Variants in GAREM1 observed in about 807,000 individuals in gnomAD.
GAREM1 encodes GRB2 associated regulator of MAPK1 subtype 1, also known as GRB2-associated and regulator of MAPK protein 1.
In GAREM1, 26 loss-of-function variants were observed where a neutral mutation model predicts 71.3. The ratio of observed to expected loss-of-function variants is 0.36; its 90% CI spans 0.27 to 0.51. The LOEUF is 0.51. Among genes scored for constraint, GAREM1 ranks in the 20% least tolerant of loss-of-function variants. The pLI is 0.95. For synonymous variants in GAREM1, 440 were observed against 433.2 expected, an observed-to-expected ratio of 1.02 and a Z score of -0.20; for missense variants, 1,026 against 1,103.1, an observed-to-expected ratio of 0.93 and a Z score of 0.99.
chr18:32,441,991 G>C (rs1002160418), intron 1 of GAREM1, among the ~76,000 whole-genome samples: 2 of 147,146 alleles, frequency 1.4e-5, no homozygotes, highest in African/African-American at 2.6e-5. Context: ...GGTGCAAATT[G>C]TAATTTTTTT....
intron 3 of GAREM1, among the ~76,000 whole-genome samples, chr18:32,303,172 A>G (rs748403679): frequency 6.6e-6 from 1 of 152,234 alleles, no homozygotes; most frequent in Non-Finnish European, 1.5e-5. Flanking sequence ...AGCTGAAAGT[A>G]TGGATCTCAC....
chr18:32,353,073 G>A (rs942131436), intron 2 of GAREM1, among the ~76,000 whole-genome samples: 4 of 152,178 alleles, frequency 2.6e-5, no homozygotes, highest in Non-Finnish European at 5.9e-5. Flanking sequence ...TAAGTCAGAC[G>A]TTAACAGATA....
At chr18:32,284,507 C>T (rs970359314) in intron 4 of GAREM1, among the ~76,000 whole-genome samples, 5 of 152,176 alleles carry the variant, frequency 3.3e-5, no homozygotes, top group African/African-American at 9.7e-5. Flanking sequence ...ATGCTAGTTT[C>T]CTACCTCTAG....
At chr18:32,281,121 A>C (rs2046946990) in intron 4 of GAREM1, among the ~76,000 whole-genome samples, 1 of 152,252 alleles carries the variant, frequency 6.6e-6, no homozygotes, top group African/African-American at 2.4e-5. Context: ...TTATCCCCAC[A>C]GGAACTGACT....
rs16962940 is a variant in GAREM1 at position 32,264,403 on chromosome 18, A to C, written c.*3468T>G. ...GGCACGATGAGTAGTGACTTATACA[A>C]AGTGTTTAGAAAATGAAGGACCCTC... On this transcript the variant is annotated 3_prime_UTR_variant, in exon 6 of 6. Coordinates refer to ENST00000269209, the MANE Select transcript of GAREM1 (RefSeq NM_001242409.2). The C allele has an allele frequency of 0.11, 16,730 of 152,130 alleles. 1,136 individuals carry two copies. The highest frequency in any genetic ancestry group is 0.19 in the African/African-American group (7,930 of 41,480). 9.4% of individuals were successfully genotyped at this position (152,130 alleles called of 1,614,324 possible).
intron 1 of GAREM1, among the ~76,000 whole-genome samples, chr18:32,439,645 CTT>C (rs34313807): frequency 4.0e-4 from 59 of 146,284 alleles, no homozygotes; most frequent in Middle Eastern, 3.5e-3. Context: ...ACCAAATGAG[CTT>C]TTTTTTTTTT....
In GAREM1 at chr18:32,268,077, A is replaced by C. The variant is rs768935188; in HGVS notation, c.2425T>G (p.Ser809Ala). 4.8e-5 allele frequency: 78 copies of C among 1,614,036 alleles called. No individual in the cohort carries two copies. Among genetic ancestry groups the C allele is most frequent in the South Asian group, 4.4e-4 (40 of 91,076 alleles). ...GSPWQPPADLSGLSIEEVSKS... is the reference protein window; with the variant it reads ...GSPWQPPADLAGLSIEEVSKS... ...GACACTTCCTCTATAGAGAGTCCTGATAGGTCAGCAGGTGGCTGCCATGGG... is the reference window on the plus strand; with the variant it reads ...GACACTTCCTCTATAGAGAGTCCTGCTAGGTCAGCAGGTGGCTGCCATGGG... The change falls in exon 6 of 6, where the codon TCA becomes GCA. Residue 809 changes from serine to alanine, a missense_variant. By Grantham distance (99) the Ser-to-Ala change is moderately conservative. Around this residue, in one of 3 missense-constraint regions of GAREM1, gnomAD observed 636 missense variants for 631.2 expected, o/e 1.01. Coordinates refer to ENST00000269209, the MANE Select transcript of GAREM1 (RefSeq NM_001242409.2).
At chr18:32,379,358 C>A (rs1028042800) in intron 2 of GAREM1, among the ~76,000 whole-genome samples, 4 of 150,930 alleles carry the variant, frequency 2.7e-5, no homozygotes, top group African/African-American at 9.8e-5. Context: ...GGAGTCTCTC[C>A]TTCCTAGACT....
At chr18:32,269,608 C>T (rs967717276) in intron 5 of GAREM1, among the ~76,000 whole-genome samples, 5 of 151,878 alleles carry the variant, frequency 3.3e-5, no homozygotes, top group Non-Finnish European at 7.4e-5. Context: ...TTCTTTAGAC[C>T]TAAGAAATGA....
At chr18:32,376,670 T>G (rs1437278517) in intron 2 of GAREM1, among the ~76,000 whole-genome samples, 2 of 151,834 alleles carry the variant, frequency 1.3e-5, no homozygotes, top group Non-Finnish European at 1.5e-5. Context: ...AAACCCCATC[T>G]CTATTAAAAA....
At chr18:32,330,157 C>T (rs1300662986) in intron 2 of GAREM1, among the ~76,000 whole-genome samples, 1 of 152,008 alleles carries the variant, frequency 6.6e-6, no homozygotes, top group Non-Finnish European at 1.5e-5. Flanking sequence ...ACATATATAC[C>T]ACAGAATACT....
chr18:32,316,499 C>T (rs1031332672), intron 2 of GAREM1, among the ~76,000 whole-genome samples: 3 of 152,216 alleles, frequency 2.0e-5, no homozygotes, highest in African/African-American at 7.2e-5. Context: ...ATTGCCCAGG[C>T]TGGAGTGCAG....
intron 2 of GAREM1, among the ~76,000 whole-genome samples, chr18:32,349,472 A>G (rs1032374216): frequency 6.6e-6 from 1 of 152,258 alleles, no homozygotes; most frequent in African/African-American, 2.4e-5. Flanking sequence ...CCAAGAATCA[A>G]GAAATAATAC....
chr18:32,419,212 G>C (rs1462040142), intron 1 of GAREM1, among the ~76,000 whole-genome samples: 1 of 152,100 alleles, frequency 6.6e-6, no homozygotes, highest in Non-Finnish European at 1.5e-5. Context: ...AAATATCTCT[G>C]ACTTTCTCTT....
chr18:32,374,702 T>C (rs951734688), intron 2 of GAREM1, among the ~76,000 whole-genome samples: 1 of 152,188 alleles, frequency 6.6e-6, no homozygotes, highest in African/African-American at 2.4e-5. Flanking sequence ...GAACTTTCCA[T>C]GGGAAATAAG....
intron 2 of GAREM1, among the ~76,000 whole-genome samples, chr18:32,328,358 T>C (rs1015060820): frequency 2.6e-5 from 4 of 152,214 alleles, no homozygotes; most frequent in African/African-American, 9.6e-5. Context: ...GATAGTGGGA[T>C]AGGACCTAAA....
rs969266651 is a variant in GAREM1, at chr18:32,265,716, T to C, written c.*2155A>G. Reference sequence around the variant, plus strand: ...GTTTTTACAAAAAGAAAAAAAACGCTAAAAGGAGTCAGTTGTTTATGTGAG... The same window carrying C: ...GTTTTTACAAAAAGAAAAAAAACGCCAAAAGGAGTCAGTTGTTTATGTGAG... On this transcript the variant is annotated 3_prime_UTR_variant, in exon 6 of 6. Coordinates refer to ENST00000269209, the MANE Select transcript of GAREM1 (RefSeq NM_001242409.2). 1.3e-5 allele frequency: 2 copies of C among 152,150 alleles called. No homozygotes were observed. Among genetic ancestry groups the C allele is most frequent in the African/African-American group, 4.8e-5 (2 of 41,424 alleles). 9.4% of individuals were successfully genotyped at this position (152,150 alleles called of 1,614,324 possible). A position where few individuals can be genotyped will look rare whatever the true frequency, so the allele number is the denominator to read the frequency against.
intron 2 of GAREM1, among the ~76,000 whole-genome samples, chr18:32,349,020 G>A (rs935690092): frequency 5.3e-5 from 8 of 152,200 alleles, no homozygotes; most frequent in African/African-American, 1.9e-4. Context: ...AAACTATCCA[G>A]AATCATTCAG....
intron 2 of GAREM1, among the ~76,000 whole-genome samples, chr18:32,358,550 T>C (rs2047828845): frequency 6.6e-6 from 1 of 152,052 alleles, no homozygotes; most frequent in Non-Finnish European, 1.5e-5. Flanking sequence ...GAAAACCATT[T>C]CCCTCAGTAC....
Sources: allele counts gnomAD v4.1 joint callset (sites outside exome capture counted in the v4.1 genomes callset), GRCh38; gene constraint gnomAD v4.1.1; regional missense constraint gnomAD v4.1.1; transcripts MANE v1.5; gene names NCBI Gene and HGNC (gene_info 2026-07-23, HGNC 2026-07-21).